RNF150: variants seen among roughly 807,000 people sequenced by gnomAD.
The protein encoded by RNF150 is ring finger protein 150.
RNF150 carries 24 observed loss-of-function variants against 39.3 expected under a neutral mutation model. That is an observed-to-expected ratio of 0.61 (90% CI 0.44 to 0.86). RNF150 has a LOEUF of 0.86. Among genes scored for constraint, RNF150 ranks in the 40% least tolerant of loss-of-function variants. The pLI is 0.00. For missense variants in RNF150, 502 were observed against 587.8 expected (o/e 0.85, Z 1.51); for synonymous variants, 255 against 227.3 (o/e 1.12, Z -1.10).
intron 1 of RNF150, among the ~76,000 whole-genome samples, chr4:141,082,542 G>C (rs560038249): frequency 6.6e-6 from 1 of 152,306 alleles, no homozygotes; most frequent in South Asian, 2.1e-4. Flanking sequence ...AAGAAACATA[G>C]CCTAATATAG....
intron 1 of RNF150, among the ~76,000 whole-genome samples, chr4:141,013,673 GAATT>G (rs1408457746): frequency 6.6e-6 from 1 of 152,100 alleles, no homozygotes; most frequent in Non-Finnish European, 1.5e-5. Context: ...AAAGCATGCT[GAATT>G]ATTTAAAAAA....
intron 1 of RNF150, among the ~76,000 whole-genome samples, chr4:141,145,843 G>A (rs1211389376): frequency 6.6e-6 from 1 of 152,144 alleles, no homozygotes; most frequent in South Asian, 2.1e-4. Flanking sequence ...CTATGGTTCA[G>A]GTTCCCCACT....
At chr4:141,126,507 C>A (rs1265646271) in intron 1 of RNF150, among the ~76,000 whole-genome samples, 2 of 152,192 alleles carry the variant, frequency 1.3e-5, no homozygotes, top group African/African-American at 4.8e-5. Flanking sequence ...CCAAGTTTGG[C>A]TACATAAAGA....
intron 4 of RNF150, among the ~76,000 whole-genome samples, chr4:140,935,046 A>AGT (rs56284933): frequency 1.1e-5 from 1 of 93,688 alleles, no homozygotes; most frequent in Non-Finnish European, 2.0e-5. Flanking sequence ...TATATATATA[A>AGT]ATATATATAT....
intron 4 of RNF150, among the ~76,000 whole-genome samples, chr4:140,942,657 C>T (rs1264830240): frequency 6.6e-6 from 1 of 152,180 alleles, no homozygotes; most frequent in East Asian, 1.9e-4. Flanking sequence ...GAATTTCTTT[C>T]AGATTCTGCA....
At chr4:141,154,979 G>A (rs559925554) in intron 1 of RNF150, among the ~76,000 whole-genome samples, 4 of 152,238 alleles carry the variant, frequency 2.6e-5, no homozygotes, top group South Asian at 2.1e-4. Flanking sequence ...GTCATCCTTC[G>A]TCAGAGTCAG....
rs192868674 is a variant in RNF150 at position 141,082,580 on chromosome 4, A to T, written c.484+49745T>A. Among the ~76,000 whole-genome samples the T allele has an allele frequency of 4.0e-3, 584 of 144,768 alleles. 4 individuals are homozygous for T. Among genetic ancestry groups the T allele is most frequent in the African/African-American group, 0.014 (530 of 38,530 alleles). 95.0% of individuals were successfully genotyped at this position (144,768 alleles called of 152,430 possible). The stretch of plus-strand genomic sequence containing the variant: ...GGGTCAAGAAATACAGGATGAAATT[A>T]TTTTTTTTATTTTTTATTTTTTTTT... On this transcript the variant is annotated intron_variant, in intron 1 of 6. Coordinates refer to ENST00000515673, the MANE Select transcript of RNF150 (RefSeq NM_020724.2).
intron 1 of RNF150, among the ~76,000 whole-genome samples, chr4:141,212,176 T>C (rs1489530340): frequency 6.6e-6 from 1 of 152,084 alleles, no homozygotes; most frequent in East Asian, 1.9e-4. Context: ...AAAAGGTAAA[T>C]AGTAGGCTAA....
chr4:141,018,584 G>A (rs1735366739), intron 1 of RNF150, among the ~76,000 whole-genome samples: 2 of 152,134 alleles, frequency 1.3e-5, no homozygotes, highest in African/African-American at 4.8e-5. Context: ...GGCCTTGCCT[G>A]TGATTCTAAG....
At chr4:140,952,523 C>G (rs1016980244) in intron 2 of RNF150, among the ~76,000 whole-genome samples, 7 of 152,180 alleles carry the variant, frequency 4.6e-5, no homozygotes, top group African/African-American at 1.7e-4. Flanking sequence ...AAAACATCCG[C>G]TCAGTCTCTT....
At chr4:141,092,800 C>G (rs1023515826) in intron 1 of RNF150, among the ~76,000 whole-genome samples, 3 of 151,190 alleles carry the variant, frequency 2.0e-5, no homozygotes, top group African/African-American at 7.3e-5. Flanking sequence ...TAGGTAAATA[C>G]AAAAGCATTT....
At chr4:141,036,800 C>A (rs1043551668) in intron 1 of RNF150, among the ~76,000 whole-genome samples, 1 of 152,116 alleles carries the variant, frequency 6.6e-6, no homozygotes, top group African/African-American at 2.4e-5. Flanking sequence ...AATGCTTGCT[C>A]ATTTCAATAT....
chr4:140,901,208 T>C (rs1391527749), intron 6 of RNF150, among the ~76,000 whole-genome samples: 3 of 152,240 alleles, frequency 2.0e-5, no homozygotes, highest in East Asian at 3.8e-4. Flanking sequence ...TTAGAATCTT[T>C]CTCTGTGACA....
intron 3 of RNF150, among the ~76,000 whole-genome samples, chr4:140,948,216 T>C (rs1425870466): frequency 1.3e-5 from 2 of 152,226 alleles, no homozygotes. Context: ...TATTCTCTGA[T>C]TGAAGGAAAA....
intron 1 of RNF150, among the ~76,000 whole-genome samples, chr4:141,062,821 TC>T (rs918884929): frequency 6.6e-6 from 1 of 152,112 alleles, no homozygotes; most frequent in African/African-American, 2.4e-5. Flanking sequence ...CCAGCCCTTG[TC>T]CCCCTCCCTT....
At chr4:141,011,243 T>G (rs576936651) in intron 1 of RNF150, among the ~76,000 whole-genome samples, 103 of 151,288 alleles carry the variant, frequency 6.8e-4, no homozygotes, top group African/African-American at 2.5e-3. Flanking sequence ...TCATTCAGAC[T>G]AATTCAAAAG....
intron 1 of RNF150, among the ~76,000 whole-genome samples, chr4:140,974,930 C>T (rs1400090388): frequency 6.6e-6 from 1 of 151,988 alleles, no homozygotes; most frequent in Non-Finnish European, 1.5e-5. Context: ...TATAATTGGC[C>T]CTTTGATCTG....
At chr4:141,049,318 A>T (rs922545811) in intron 1 of RNF150, among the ~76,000 whole-genome samples, 1 of 151,986 alleles carries the variant, frequency 6.6e-6, no homozygotes, top group Non-Finnish European at 1.5e-5. Context: ...GATAAAAAAA[A>T]GGAGGTGACA....
At chr4:141,103,735 G>A (rs1739100674) in intron 1 of RNF150, among the ~76,000 whole-genome samples, 1 of 152,068 alleles carries the variant, frequency 6.6e-6, no homozygotes, top group East Asian at 1.9e-4. Flanking sequence ...TTGAACTACA[G>A]TTAGAAAAAC....
Sources: allele counts gnomAD v4.1 joint callset (sites outside exome capture counted in the v4.1 genomes callset), GRCh38; gene constraint gnomAD v4.1.1; transcripts MANE v1.5; gene names NCBI Gene and HGNC (gene_info 2026-07-23, HGNC 2026-07-21).